Variants in TACC3 observed in about 807,000 individuals in gnomAD.
The protein encoded by TACC3 is transforming acidic coiled-coil containing protein 3, also known as transforming acidic coiled-coil-containing protein 3.
A neutral mutation model predicts 86.0 loss-of-function variants in TACC3; 52 were observed. The ratio of observed to expected loss-of-function variants is 0.60; its 90% confidence interval spans 0.48 to 0.76. The LOEUF (loss-of-function observed/expected upper bound fraction) is 0.76, where lower values mean the gene tolerates loss of function less well. TACC3 is among the 30% of genes least tolerant of loss of function. The pLI is 0.00. For synonymous variants in TACC3, 512 were observed against 430.0 expected (o/e 1.19, Z -2.36); for missense variants, 1,120 against 1,070.4 (o/e 1.05, Z -0.65).
intron 13 of TACC3, 188 bp downstream of exon 13, chr4:1,741,174 G>GCC (rs1718580597): frequency 3.8e-6 from 2 of 520,830 alleles, no homozygotes; most frequent in East Asian, 6.7e-5. Context: ...TTGCGAGGCA[G>GCC]CTGAGGGCGG....
Position 1,737,348 on chromosome 4 carries a change from T to C in TACC3, c.1836+20T>C. 5.0e-6 allele frequency: 8 copies of C among 1,603,686 alleles called. No individual in the cohort carries two copies. The highest frequency in any genetic ancestry group is 6.8e-6 in the Non-Finnish European group (8 of 1,170,576). ...ATTCCTGTAAGTCCTTGAGTCCCTC[T>C]TGAACTGTCTTGTGTGTGGTCTGAG... On this transcript the variant is annotated intron_variant, in intron 9 of 15. Transcript: ENST00000313288.
At chr4:1,736,936 A>G (rs1478661225) in intron 8 of TACC3, among the ~76,000 whole-genome samples, 9 of 150,982 alleles carry the variant, frequency 6.0e-5, no homozygotes, top group Admixed American at 5.9e-4. Context: ...AAAGGCTCTG[A>G]GCTGTGAACA....
At chr4:1,737,420 G>C in intron 9 of TACC3, 92 bp downstream of exon 9, 2 of 1,356,408 alleles carry the variant, frequency 1.5e-6, no homozygotes, top group Non-Finnish European at 2.1e-6. Context: ...CTGGGGGTCT[G>C]AGCCTTTGGT....
rs143381161 is a variant in TACC3, at chr4:1,741,436, G to A, written c.2223+450G>A. 697 of 154,272 alleles carry A rather than the reference G, an allele frequency of 4.5e-3. 6 individuals carry two copies. Among genetic ancestry groups the A allele is most frequent in the African/African-American group, 0.016 (667 of 41,608 alleles). 9.6% of individuals were successfully genotyped at this position (154,272 alleles called of 1,614,324 possible). ...TGCAAGGCCACCCTGGTGTCCTCCT[G>A]GCCACGGGACTCTGAGCGCCCCCCA... On this transcript the variant is annotated intron_variant, in intron 13 of 15. Coordinates refer to ENST00000313288, the MANE Select transcript of TACC3 (RefSeq NM_006342.3).
intron 8 of TACC3, among the ~76,000 whole-genome samples, chr4:1,736,257 C>G (rs139392948): frequency 0.012 from 1,889 of 152,036 alleles, 18 homozygotes; most frequent in Middle Eastern, 0.02. Flanking sequence ...AACCCCGTCT[C>G]TACTAAAATA....
chr4:1,728,018 T>G lies in TACC3; in HGVS notation c.616T>G (p.Cys206Gly). The G allele has an allele frequency of 6.2e-7, 1 of 1,613,110 alleles. No homozygotes were observed. Among genetic ancestry groups the G allele is most frequent in the Non-Finnish European group, 8.5e-7 (1 of 1,180,020 alleles). ...TPASETLEDPCRTESQHKAET... is the reference protein window; with the variant it reads ...TPASETLEDPGRTESQHKAET... Reference sequence around the variant, plus strand: ...CGCCTCTGAGACCCTAGAAGACCCTTGCAGGACAGAGTCCCAGCACAAAGC... The same window carrying G: ...CGCCTCTGAGACCCTAGAAGACCCTGGCAGGACAGAGTCCCAGCACAAAGC... The change falls in exon 4 of 16, where the codon TGC (cysteine) becomes GGC (glycine). Residue 206 changes from cysteine to glycine, a missense_variant. Coordinates refer to ENST00000313288, the MANE Select transcript of TACC3 (RefSeq NM_006342.3).
At chr4:1,731,349 C>T in intron 6 of TACC3, 48 bp downstream of exon 6, 1 of 1,594,954 alleles carries the variant, frequency 6.3e-7, no homozygotes, top group East Asian at 2.3e-5. Context: ...CGGAGGGGAT[C>T]CCGTGAGCAC....
chr4:1,741,213 C>G, intron 13 of TACC3: 1 of 444,938 alleles, frequency 2.2e-6, no homozygotes, highest in East Asian at 3.8e-5. Context: ...GGGAGGCCAT[C>G]TGAGCCGTCC....
In TACC3 at chr4:1,735,335, A is replaced by G. The variant is rs3752746; in HGVS notation, c.1644+10A>G. ...GTTTGGAACTTCCTCGGTAGGTACC[A>G]GGCAATTCCGCGAAGCCTCACCCAC... On this transcript the variant is annotated intron_variant, in intron 7 of 15. Coordinates refer to ENST00000313288, the MANE Select transcript of TACC3 (RefSeq NM_006342.3). The surrounding 1 kb of genome is among the most constrained non-coding windows in gnomAD (Gnocchi z 4.2). 379,045 of 1,613,728 alleles carry G rather than the reference A, an allele frequency of 0.23. 46,778 individuals carry two copies. Among genetic ancestry groups the G allele is most frequent in the Non-Finnish European group, 0.26 (305,533 of 1,179,892 alleles).
chr4:1,738,577 G>A (rs1384286134), intron 10 of TACC3, among the ~76,000 whole-genome samples: 2 of 152,236 alleles, frequency 1.3e-5, no homozygotes, highest in African/African-American at 2.4e-5. Context: ...CAAAGAAATA[G>A]TGCTCGAACA....
chr4:1,741,106 C>G (rs1194839059), intron 13 of TACC3, 120 bp downstream of exon 13: 23 of 982,246 alleles, frequency 2.3e-5, no homozygotes, highest in East Asian at 7.5e-5. Flanking sequence ...CCCCTTGCCA[C>G]GGGGGCATGG....
intron 13 of TACC3, among the ~76,000 whole-genome samples, chr4:1,743,326 G>A (rs1432407572): frequency 2.0e-5 from 3 of 151,336 alleles, no homozygotes; most frequent in Admixed American, 6.6e-5. Flanking sequence ...AGGCCGAGGC[G>A]GGTGGATCAC....
At chr4:1,740,672 C>A in intron 12 of TACC3, 154 bp from the exon 13 acceptor site, 1 of 659,610 alleles carries the variant, frequency 1.5e-6, no homozygotes, top group Non-Finnish European at 2.7e-6. Flanking sequence ...CTAGAAGATC[C>A]TGGGTGGAGG....
chr4:1,723,728 G>A lies in TACC3; in HGVS notation c.163G>A (p.Val55Met), dbSNP rs1717540443. Reference sequence around the variant, plus strand: ...TGCTCTCCTCCTCACTCCGCAACAGGTGACTTTTCAGACACCTCTGCGGGA... The same window carrying A: ...TGCTCTCCTCCTCACTCCGCAACAGATGACTTTTCAGACACCTCTGCGGGA... The part of the protein sequence containing the change: ...PPKNLAKAMK[V>M]TFQTPLRDPQ... Residue 55 changes from valine to methionine, a missense_variant and splice_region_variant, in exon 3 of 16, where the codon GTG becomes ATG. By Grantham distance (21) the Val-to-Met change is conservative. Coordinates refer to ENST00000313288, the MANE Select transcript of TACC3 (RefSeq NM_006342.3). 1.2e-6 allele frequency: 2 copies of A among 1,613,696 alleles called. No homozygotes were observed. Among genetic ancestry groups the A allele is most frequent in the East Asian group, 4.5e-5 (2 of 44,884 alleles).
At chr4:1,731,486 G>A (rs1718007288) in intron 6 of TACC3, among the ~76,000 whole-genome samples, 185 bp downstream of exon 6, 1 of 152,200 alleles carries the variant, frequency 6.6e-6, no homozygotes, top group Non-Finnish European at 1.5e-5. Context: ...TAGGAGAGCA[G>A]GGCTCATACC....
chr4:1,727,209 G>C (rs1280342686), intron 3 of TACC3, among the ~76,000 whole-genome samples: 1 of 152,132 alleles, frequency 6.6e-6, no homozygotes, highest in African/African-American at 2.4e-5. Flanking sequence ...GATGCCTCCA[G>C]GCTTCTTTCT....
Position 1,723,744 on chromosome 4 carries a change from C to G in TACC3, c.179C>G (p.Pro60Arg). ...CCGCAACAGGTGACTTTTCAGACAC[C>G]TCTGCGGGATCCACAGACGCACAGG... Reference protein sequence around the residue: ...AKAMKVTFQTPLRDPQTHRIL... With the variant: ...AKAMKVTFQTRLRDPQTHRIL... Residue 60 changes from proline to arginine, a missense_variant, in exon 3 of 16, where the codon CCT becomes CGT. By Grantham distance (103) the Pro-to-Arg change is moderately radical (BLOSUM62 -2). Transcript: ENST00000313288. 6.2e-7 allele frequency: 1 copy of G among 1,613,750 alleles called. No individual in the cohort carries two copies. Among genetic ancestry groups the G allele is most frequent in the Non-Finnish European group, 8.5e-7 (1 of 1,180,028 alleles).
intron 6 of TACC3, among the ~76,000 whole-genome samples, chr4:1,734,001 C>T (rs1485303986): frequency 4.7e-5 from 7 of 150,344 alleles, no homozygotes; most frequent in Non-Finnish European, 8.9e-5. Flanking sequence ...GAAAAGAAAA[C>T]TGACAAGGCC....
intron 6 of TACC3, among the ~76,000 whole-genome samples, chr4:1,733,755 A>G (rs1718117664): frequency 6.6e-6 from 1 of 152,258 alleles, no homozygotes; most frequent in Non-Finnish European, 1.5e-5. Context: ...AGGAGGGCGA[A>G]TCACCTGAGA....
Sources: gnomAD v4.1 joint callset for allele counts (sites outside exome capture counted in the v4.1 genomes callset) on GRCh38, gnomAD v4.1.1 for gene constraint, Gnocchi (gnomAD v3.1) non-coding constraint, MANE v1.5 for transcripts, NCBI Gene and HGNC (gene_info 2026-07-23, HGNC 2026-07-21) for gene names.